PPP1CC: variants seen among roughly 807,000 people sequenced by gnomAD.
PPP1CC encodes protein phosphatase 1 catalytic subunit gamma, also known as serine/threonine-protein phosphatase PP1-gamma catalytic subunit.
In PPP1CC, 16 loss-of-function variants were observed where a neutral mutation model predicts 38.4. That is an observed-to-expected ratio of 0.42 (90% confidence interval 0.28 to 0.63). The LOEUF (loss-of-function observed/expected upper bound fraction) is 0.63, where lower values mean the gene tolerates loss of function less well. Among genes scored for constraint, PPP1CC ranks in the 30% least tolerant of loss-of-function variants. The probability of loss-of-function intolerance (pLI) is 0.25; values close to 1 mark genes in which losing one functional copy is unlikely to be tolerated. For synonymous variants in PPP1CC, 158 were observed against 136.0 expected, an observed-to-expected ratio of 1.16 and a Z score of -1.13; for missense variants, 170 against 391.3, an observed-to-expected ratio of 0.43 and a Z score of 4.77.
At chr12:110,708,740 T>C in the PPP1CC span, among the ~76,000 whole-genome samples, 2 of 151,680 alleles carry the variant, frequency 1.3e-5, no homozygotes, top group South Asian at 4.2e-4. Flanking sequence ...ATCCTGCTAC[T>C]TGGGAGGCTG....
the PPP1CC span, among the ~76,000 whole-genome samples, chr12:110,709,211 T>C: frequency 6.6e-6 from 1 of 152,136 alleles, no homozygotes; most frequent in African/African-American, 2.4e-5. Flanking sequence ...AATAACCATG[T>C]TTATTATATT....
At chr12:110,731,972 G>C in intron 1 of PPP1CC, 71 bp from the exon 2 acceptor site, 4 of 1,547,830 alleles carry the variant, frequency 2.6e-6, no homozygotes, top group Non-Finnish European at 3.5e-6. Context: ...TTAGATAAAG[G>C]GGCAAAAACA....
intron 1 of PPP1CC, 107 bp downstream of exon 1, chr12:110,742,546 G>C: frequency 1.1e-6 from 1 of 951,560 alleles, no homozygotes; most frequent in South Asian, 2.7e-5. Context: ...CACTCCCCAC[G>C]GTGCTGCAAG....
At chr12:110,714,755 G>A (rs1211334573), downstream of PPP1CC, among the ~76,000 whole-genome samples, 1 of 131,206 alleles carries the variant, frequency 7.6e-6, no homozygotes, top group East Asian at 2.2e-4. Context: ...GCAATGAGCC[G>A]AGATGGTACT....
At position 110,721,104 on chromosome 12, in the gene PPP1CC, C is replaced by T; in HGVS notation, c.944G>A (p.Gly315Asp). The T allele has an allele frequency of 6.2e-7, 1 of 1,613,900 alleles. No individual in the cohort carries two copies. The highest frequency in any genetic ancestry group is 8.5e-7 in the Non-Finnish European group (1 of 1,179,816). Residue 315 changes from glycine to aspartate, a missense_variant, in exon 7 of 7, where the codon GGT becomes GAT. Transcript: ENST00000335007. Reference sequence around the variant, plus strand: ...TTTCTTTGCTTGCTTTGTGATCATACCCCTTGGAGGCGTTACAGGTCTCGT... The same window carrying T: ...TTTCTTTGCTTGCTTTGTGATCATATCCCTTGGAGGCGTTACAGGTCTCGT... The part of the protein sequence containing the change: ...NATRPVTPPR[G>D]MITKQAKK
chr12:110,739,274 C>CT (rs972685889), intron 1 of PPP1CC, among the ~76,000 whole-genome samples: 1 of 151,922 alleles, frequency 6.6e-6, no homozygotes, highest in Non-Finnish European at 1.5e-5. Context: ...CACCACTGCA[C>CT]TCCAGCCTGG....
In PPP1CC at chr12:110,720,035, G is replaced by T; in HGVS notation, c.*1041C>A. The T allele has an allele frequency of 9.4e-7, 1 of 1,066,864 alleles. No homozygotes were observed. The highest frequency in any genetic ancestry group is 1.3e-6 in the Non-Finnish European group (1 of 743,082). The allele number at this position is 1,066,864 out of a possible 1,614,324, so 66.1% of individuals were successfully genotyped here. A position where few individuals can be genotyped will look rare whatever the true frequency, so the allele number is the denominator to read the frequency against. On this transcript the variant is annotated 3_prime_UTR_variant, in exon 7 of 7. Transcript: ENST00000335007. The stretch of plus-strand genomic sequence containing the variant: ...AAAAGTCATAGGTACTGTGAGTTCT[G>T]TATAAACTGGTGGACAGTAAGTTAG...
Position 110,722,338 on chromosome 12 carries a change from C to T in PPP1CC, c.748-69G>A. On this transcript the variant is annotated intron_variant, in intron 5 of 6. Coordinates refer to ENST00000335007, the MANE Select transcript of PPP1CC (RefSeq NM_002710.4). This position sits in a 1 kb window ranked among gnomAD's most constrained non-coding sequence, Gnocchi z 5.4. ...GGTGAGTAAAACCATGTTTCAGTTTCCCATTGAGCCTGATATCTTGTGTTC... is the reference window on the plus strand; with the variant it reads ...GGTGAGTAAAACCATGTTTCAGTTTTCCATTGAGCCTGATATCTTGTGTTC... 2 of 1,579,256 alleles carry T rather than the reference C, an allele frequency of 1.3e-6. No individual in the cohort carries two copies. The highest frequency in any genetic ancestry group is 1.7e-6 in the Non-Finnish European group (2 of 1,154,320).
At chr12:110,729,722 C>T (rs568430383) in intron 3 of PPP1CC, among the ~76,000 whole-genome samples, 6 of 152,222 alleles carry the variant, frequency 3.9e-5, no homozygotes, top group African/African-American at 1.4e-4. Context: ...TTGCAAGATT[C>T]CATTTGCATG....
chr12:110,730,416 G>A (rs1031741831), intron 3 of PPP1CC, 113 bp downstream of exon 3: 13 of 861,770 alleles, frequency 1.5e-5, no homozygotes, highest in Non-Finnish European at 2.1e-5. Flanking sequence ...AAACATGAGA[G>A]ATGATACCAC....
downstream of PPP1CC, among the ~76,000 whole-genome samples, chr12:110,716,436 T>C (rs1370833097): frequency 6.6e-6 from 1 of 151,876 alleles, no homozygotes. Flanking sequence ...CACTGCAACC[T>C]CTGCTTCCCA....
At chr12:110,718,595 G>T (rs549316879), downstream of PPP1CC, among the ~76,000 whole-genome samples, 2 of 152,072 alleles carry the variant, frequency 1.3e-5, no homozygotes, top group Non-Finnish European at 2.9e-5. Context: ...GCAAAGACAC[G>T]AAAGAACTGG....
chr12:110,724,582 T>A lies in PPP1CC; in HGVS notation c.523+78A>T. The A allele has an allele frequency of 3.7e-6, 3 of 821,472 alleles. No individual in the cohort carries two copies. The South Asian group carries it at 4.4e-5, about 12-fold the overall frequency. The allele number at this position is 821,472 out of a possible 1,614,324, so 50.9% of individuals were successfully genotyped here. ...GTTCTGTCAGAGAAAGTCATCCCAA[T>A]GATAACTCACAAATGTTAAAGTGTT... On this transcript the variant is annotated intron_variant, in intron 4 of 6. Transcript: ENST00000335007.
intron 1 of PPP1CC, among the ~76,000 whole-genome samples, chr12:110,733,738 C>G (rs2069909330): frequency 6.6e-6 from 1 of 152,130 alleles, no homozygotes. Context: ...CTCTGGCCCC[C>G]CAAGTGCCGG....
In PPP1CC at chr12:110,722,816, A is replaced by G; in HGVS notation, c.524-121T>C. 1.3e-6 allele frequency: 1 copy of G among 749,454 alleles called. No individual in the cohort carries two copies. Among genetic ancestry groups the G allele is most frequent in the Non-Finnish European group, 2.1e-6 (1 of 478,308 alleles). The allele number at this position is 749,454 out of a possible 1,614,324, so 46.4% of individuals were successfully genotyped here. On this transcript the variant is annotated intron_variant, in intron 4 of 6. Coordinates refer to ENST00000335007, the MANE Select transcript of PPP1CC (RefSeq NM_002710.4). The surrounding 1 kb of genome is among the most constrained non-coding windows in gnomAD (Gnocchi z 5.4). ...AATCCTGACATAAAAACTGAAATCT[A>G]TGATTATATTTTATTTACTTTTGGT...
At chr12:110,729,802 T>A (rs991559625) in intron 3 of PPP1CC, among the ~76,000 whole-genome samples, 2 of 152,198 alleles carry the variant, frequency 1.3e-5, no homozygotes, top group East Asian at 3.8e-4. Context: ...GTCGCATAAC[T>A]CTATAAATTT....
chr12:110,727,427 T>C (rs192640757), intron 3 of PPP1CC, among the ~76,000 whole-genome samples: 4 of 152,326 alleles, frequency 2.6e-5, no homozygotes, highest in East Asian at 3.9e-4. Flanking sequence ...TAGGAACATC[T>C]GGCTCCTGAA....
downstream of PPP1CC, among the ~76,000 whole-genome samples, chr12:110,716,722 TTATC>T (rs2069690675): frequency 1.3e-5 from 2 of 152,338 alleles, no homozygotes; most frequent in African/African-American, 2.4e-5. Flanking sequence ...TCTAACATAT[TTATC>T]TTTCAAATAA....
intron 1 of PPP1CC, among the ~76,000 whole-genome samples, chr12:110,736,473 G>A (rs1043120299): frequency 2.0e-5 from 3 of 151,966 alleles, no homozygotes; most frequent in African/African-American, 7.3e-5. Context: ...GTGAAATTGA[G>A]TCTCTACCAA....
Sources: gnomAD v4.1 joint callset for allele counts (sites outside exome capture counted in the v4.1 genomes callset) on GRCh38, gnomAD v4.1.1 for gene constraint, Gnocchi (gnomAD v3.1) non-coding constraint, MANE v1.5 for transcripts, NCBI Gene and HGNC (gene_info 2026-07-23, HGNC 2026-07-21) for gene names.